RYR2: variants seen among roughly 807,000 people sequenced by gnomAD.
RYR2 encodes the protein cardiac muscle ryanodine receptor-calcium release channel.
In RYR2, 227 loss-of-function variants were observed where a neutral mutation model predicts 601.1. That is an observed-to-expected ratio of 0.38 (90% CI 0.34 to 0.42). The LOEUF is 0.42. Among genes scored for constraint, RYR2 ranks in the 10% least tolerant of loss-of-function variants. The pLI, the probability that RYR2 is intolerant of heterozygous loss-of-function variation, is 1.00. For missense variants in RYR2, 4,646 were observed against 6,156.5 expected, an observed-to-expected ratio of 0.75 and a Z score of 8.21; for synonymous variants, 2,223 against 2,175.1, an observed-to-expected ratio of 1.02 and a Z score of -0.61.
intron 1 of RYR2, among the ~76,000 whole-genome samples, chr1:237,166,257 CTGA>C (rs1482555882): frequency 6.6e-6 from 1 of 152,158 alleles, no homozygotes; most frequent in Non-Finnish European, 1.5e-5. Flanking sequence ...ATCTGCTTCT[CTGA>C]TATTATTTGT....
At chr1:237,510,929 A>G (rs1219642253) in intron 23 of RYR2, among the ~76,000 whole-genome samples, 1 of 152,208 alleles carries the variant, frequency 6.6e-6, no homozygotes, top group Admixed American at 6.5e-5. Context: ...GGATTTTGCG[A>G]AGGTAGTAGG....
At chr1:237,492,924 G>A in intron 18 of RYR2, 30 bp from the exon 19 acceptor site, 2 of 1,542,208 alleles carry the variant, frequency 1.3e-6, no homozygotes, top group Non-Finnish European at 1.8e-6. Flanking sequence ...GAGGGAGGGA[G>A]GATCAGCTGA....
intron 24 of RYR2, among the ~76,000 whole-genome samples, chr1:237,522,127 T>G (rs1824855): frequency 1.6e-4 from 25 of 151,944 alleles, no homozygotes; most frequent in African/African-American, 5.3e-4. Context: ...CCGCTCCCCC[T>G]ACCCCACAAC....
In RYR2 at chr1:237,614,394, T is replaced by G. The variant is rs1038625350; in HGVS notation, c.5266T>G (p.Ser1756Ala). 7 of 1,613,956 alleles carry G rather than the reference T, an allele frequency of 4.3e-6. No individual in the cohort carries two copies. Among genetic ancestry groups the G allele is most frequent in the Non-Finnish European group, 5.9e-6 (7 of 1,179,884 alleles). Residue 1756 changes from serine (S) to alanine (A), a missense_variant, in exon 37 of 105, where the codon TCC becomes GCC. Ser to Ala is a moderately conservative substitution (Grantham distance 99). Transcript: ENST00000366574. The surrounding 1 kb of genome is among the most constrained non-coding windows in gnomAD (Gnocchi z 4.3). ...HGLPGIGLST[S>A]LRPRMQFSSP... ...CCTTCCAGGGATCGGCCTCAGCACC[T>G]CCCTCAGGCCACGGATGCAGTTTTC...
At chr1:237,824,649 A>G (rs1374276823) in intron 101 of RYR2, among the ~76,000 whole-genome samples, 1 of 152,196 alleles carries the variant, frequency 6.6e-6, no homozygotes, top group Admixed American at 6.5e-5. Flanking sequence ...CACCACTCCT[A>G]TTCAACATGG....
intron 91 of RYR2, 97 bp downstream of exon 91, chr1:237,786,133 A>C: frequency 1.5e-3 from 1,121 of 756,230 alleles, no homozygotes; most frequent in Non-Finnish European, 1.9e-3. Flanking sequence ...GGAGAATCTC[A>C]TATTGTCAAG....
chr1:237,176,648 C>A (rs1377304016), intron 1 of RYR2, among the ~76,000 whole-genome samples: 1 of 151,920 alleles, frequency 6.6e-6, no homozygotes, highest in Non-Finnish European at 1.5e-5. Context: ...TTTCTATTGA[C>A]TTTTCTGATT....
chr1:237,118,612 G>A (rs1333911786), intron 1 of RYR2, among the ~76,000 whole-genome samples: 2 of 151,854 alleles, frequency 1.3e-5, no homozygotes, highest in Non-Finnish European at 2.9e-5. Flanking sequence ...TTGTTTGTTT[G>A]TTCTTTTTTG....
intron 100 of RYR2, among the ~76,000 whole-genome samples, chr1:237,810,757 T>C (rs1453540358): frequency 9.2e-5 from 14 of 152,120 alleles, no homozygotes; most frequent in Non-Finnish European, 2.1e-4. Context: ...AGTATGCATC[T>C]GTTTGAAAAT....
chr1:237,168,453 T>G (rs1676958101), intron 1 of RYR2, among the ~76,000 whole-genome samples: 1 of 152,164 alleles, frequency 6.6e-6, no homozygotes, highest in Non-Finnish European at 1.5e-5. Flanking sequence ...ATAACTCTGC[T>G]CATTGAAGGT....
intron 25 of RYR2, among the ~76,000 whole-genome samples, chr1:237,540,328 T>G (rs1669117395): frequency 6.6e-6 from 1 of 152,218 alleles, no homozygotes; most frequent in Non-Finnish European, 1.5e-5. Context: ...TGAATATTAA[T>G]GGCATTCATT....
intron 34 of RYR2, among the ~76,000 whole-genome samples, chr1:237,597,111 C>A (rs992086676): frequency 6.6e-6 from 1 of 152,110 alleles, no homozygotes; most frequent in Non-Finnish European, 1.5e-5. Context: ...CAGAATACTG[C>A]AGTACTGAAA....
chr1:237,531,668 TACTC>T (rs1231960035), intron 25 of RYR2, among the ~76,000 whole-genome samples: 1 of 152,232 alleles, frequency 6.6e-6, no homozygotes, highest in Non-Finnish European at 1.5e-5. Context: ...TGAACATTTT[TACTC>T]AGGTGCTCCA....
In RYR2 at chr1:237,808,994, G is replaced by A. The variant is rs1201435512; in HGVS notation, c.14392G>A (p.Asp4798Asn). Residue 4798 changes from aspartate to asparagine, a missense_variant, in exon 100 of 105, where the codon GAT becomes AAT. Transcript: ENST00000366574. The stretch of plus-strand genomic sequence containing the variant: ...CCGAAAATTCTACAATAAAAGTGAA[G>A]ATGGTGATACACCAGATATGAAATG... ...FFRKFYNKSE[D>N]GDTPDMKCDD... is the part of the protein sequence containing the mutation. 6.2e-7 allele frequency: 1 copy of A among 1,613,388 alleles called. No homozygotes were observed. Among genetic ancestry groups the A allele is most frequent in the Non-Finnish European group, 8.5e-7 (1 of 1,179,356 alleles).
rs386370106 is a variant in RYR2 at position 237,262,245 on chromosome 1, G to GTTTTTT, written c.49-8230_49-8225dup. On this transcript the variant is annotated intron_variant, in intron 1 of 104. Coordinates refer to ENST00000366574, the MANE Select transcript of RYR2 (RefSeq NM_001035.3). ...AAATATTAGATCTCTGTTCTAAAGAGTTTTTTTTTTTTTTTTTTTTTTTTT... is the reference window on the plus strand; with the variant it reads ...AAATATTAGATCTCTGTTCTAAAGAGTTTTTTTTTTTTTTTTTTTTTTTTTTTTTTT... 3.0e-3 allele frequency among the ~76,000 whole-genome samples: 183 copies of GTTTTTT among 61,088 alleles called. 23 individuals carry two copies. The highest frequency in any genetic ancestry group is 9.0e-3 in the African/African-American group (149 of 16,584). The allele number at this position is 61,088 out of a possible 152,430, so 40.1% of individuals were successfully genotyped here. A position where few individuals can be genotyped will look rare whatever the true frequency, so the allele number is the denominator to read the frequency against.
chr1:237,212,084 T>A (rs927405659), intron 1 of RYR2, among the ~76,000 whole-genome samples: 16 of 152,204 alleles, frequency 1.1e-4, no homozygotes, highest in Non-Finnish European at 2.2e-4. Flanking sequence ...TTGACTTTTT[T>A]TTTTTGCTGC....
chr1:237,761,885 G>A lies in RYR2; in HGVS notation c.11476+857G>A, dbSNP rs1693460340. On this transcript the variant is annotated intron_variant, in intron 84 of 104. Coordinates refer to ENST00000366574, the MANE Select transcript of RYR2 (RefSeq NM_001035.3). ...TTTTGGAACATTGGGTCTTTTATTG[G>A]ACTAATCTTATTTCAAAAAATAATT... Among the ~76,000 whole-genome samples the A allele has an allele frequency of 2.6e-5, 4 of 152,066 alleles. No individual in the cohort carries two copies. In the South Asian group the frequency reaches 8.3e-4, roughly 32 times the overall value.
chr1:237,206,078 A>G (rs1681780822), intron 1 of RYR2, among the ~76,000 whole-genome samples: 1 of 152,146 alleles, frequency 6.6e-6, no homozygotes. Context: ...GAAGAATATG[A>G]CTTCAAGAGG....
intron 83 of RYR2, among the ~76,000 whole-genome samples, chr1:237,760,103 G>A (rs1446520081): frequency 2.0e-5 from 3 of 151,610 alleles, no homozygotes; most frequent in Admixed American, 2.0e-4. Context: ...CCAGAGCTTT[G>A]GGAGGAAGAG....
Sources: allele counts gnomAD v4.1 joint callset (sites outside exome capture counted in the v4.1 genomes callset), GRCh38; gene constraint gnomAD v4.1.1; non-coding constraint Gnocchi (gnomAD v3.1); transcripts MANE v1.5; gene names NCBI Gene and HGNC (gene_info 2026-07-23, HGNC 2026-07-21).